SLC36A1: variants seen among roughly 807,000 people sequenced by gnomAD.
The protein encoded by SLC36A1 is solute carrier family 36 member 1.
Under a neutral mutation model 47.5 loss-of-function variants are expected in SLC36A1, and 30 were observed. The observed-to-expected ratio is 0.63, with a 90% CI of 0.47 to 0.86. SLC36A1 has a LOEUF of 0.86. Ranked by LOEUF, SLC36A1 falls within the 40% of genes least tolerant of loss-of-function variation. The probability of loss-of-function intolerance (pLI) is 0.00; values close to 1 mark genes in which losing one functional copy is unlikely to be tolerated. For synonymous variants in SLC36A1, 255 were observed against 249.7 expected, an observed-to-expected ratio of 1.02 and a Z score of -0.20; for missense variants, 517 against 606.0, an observed-to-expected ratio of 0.85 and a Z score of 1.54.
chr5:151,505,848 G>T, the SLC36A1 span: 1 of 1,611,000 alleles, frequency 6.2e-7, no homozygotes, highest in Non-Finnish European at 8.5e-7. Flanking sequence ...GGGACTAGGG[G>T]GCCGAGAGGG....
the SLC36A1 span, among the ~76,000 whole-genome samples, chr5:151,386,403 A>G: frequency 6.6e-6 from 1 of 152,208 alleles, no homozygotes; most frequent in South Asian, 2.1e-4. Flanking sequence ...TTTGAAGATA[A>G]TAACTCTGAC....
At chr5:151,399,438 C>A in the SLC36A1 span, among the ~76,000 whole-genome samples, 1 of 151,956 alleles carries the variant, frequency 6.6e-6, no homozygotes, top group Non-Finnish European at 1.5e-5. Context: ...TGTATTTTTT[C>A]TGAGCTATGT....
At chr5:151,436,306 G>T (rs759421389), upstream of SLC36A1, among the ~76,000 whole-genome samples, 7 of 152,056 alleles carry the variant, frequency 4.6e-5, no homozygotes, top group Non-Finnish European at 1.0e-4. Flanking sequence ...AGTTTTGCCT[G>T]CTCTTGAACT....
chr5:151,349,602 T>C, the SLC36A1 span, among the ~76,000 whole-genome samples: 1 of 151,974 alleles, frequency 6.6e-6, no homozygotes, highest in Admixed American at 6.6e-5. Context: ...ATGGGGTGTT[T>C]GGTAACGCTG....
chr5:151,546,186 G>A, the SLC36A1 span: 1 of 1,614,154 alleles, frequency 6.2e-7, no homozygotes, highest in Non-Finnish European at 8.5e-7. Flanking sequence ...AGACATGAAT[G>A]ATCACTGTAG....
chr5:151,495,380 C>T (rs547352030), downstream of SLC36A1, among the ~76,000 whole-genome samples: 1 of 152,292 alleles, frequency 6.6e-6, no homozygotes, highest in African/African-American at 2.4e-5. Context: ...CTCAAAGGCA[C>T]AGGAGGGAGG....
intron 1 of SLC36A1, among the ~76,000 whole-genome samples, chr5:151,453,185 C>A (rs926952424): frequency 2.0e-5 from 3 of 151,226 alleles, no homozygotes; most frequent in African/African-American, 7.3e-5. Flanking sequence ...GCCTGGGCAA[C>A]AAGAATGAAA....
the SLC36A1 span, among the ~76,000 whole-genome samples, chr5:151,347,032 A>G: frequency 0.041 from 6,294 of 152,256 alleles, 443 homozygotes; most frequent in African/African-American, 0.14. Context: ...TTATCCTGCC[A>G]ATGACTCAGT....
chr5:151,378,471 A>C, the SLC36A1 span: 1 of 211,418 alleles, frequency 4.7e-6, no homozygotes, highest in East Asian at 1.1e-4. Context: ...GCAGCGATTA[A>C]AGCTGTTCAA....
chr5:151,505,746 A>G, the SLC36A1 span: 1 of 1,613,294 alleles, frequency 6.2e-7, no homozygotes, highest in Non-Finnish European at 8.5e-7. Context: ...CCCGTCTGCC[A>G]GGCAGGGCCC....
At chr5:151,544,197 C>A in the SLC36A1 span, 1 of 1,614,218 alleles carries the variant, frequency 6.2e-7, no homozygotes, top group Admixed American at 1.7e-5. Context: ...CCTCCACAAT[C>A]TGATAAGAGA....
chr5:151,387,693 T>C, the SLC36A1 span, among the ~76,000 whole-genome samples: 4 of 152,192 alleles, frequency 2.6e-5, no homozygotes, highest in East Asian at 5.8e-4. Flanking sequence ...CCTTGAACTC[T>C]TGGGCTCAAG....
chr5:151,367,830 G>A, the SLC36A1 span, among the ~76,000 whole-genome samples: 6 of 152,276 alleles, frequency 3.9e-5, no homozygotes, highest in Admixed American at 6.5e-5. Flanking sequence ...CTGACTTCCC[G>A]TAACAGTAGA....
chr5:151,479,333 G>T lies in SLC36A1; in HGVS notation c.1003G>T (p.Val335Phe). 6 of 1,614,162 alleles carry T rather than the reference G, an allele frequency of 3.7e-6. No homozygotes were observed. Among genetic ancestry groups the T allele is most frequent in the Non-Finnish European group, 5.1e-6 (6 of 1,179,986 alleles). ...NLPNCWLYQS[V>F]KLLYSIGIFF... is the part of the protein sequence containing the mutation. ...CTGTTTCGGCAGGTTGTACCAGTCA[G>T]TTAAGCTGCTGTACTCCATCGGGAT... The change falls in exon 10 of 11, where the codon GTT becomes TTT. Residue 335 changes from valine to phenylalanine, a missense_variant. Physicochemically the swap from Val to Phe is conservative, Grantham distance 50. Coordinates refer to ENST00000243389, the MANE Select transcript of SLC36A1 (RefSeq NM_078483.4).
the SLC36A1 span, among the ~76,000 whole-genome samples, chr5:151,365,177 A>G: frequency 6.6e-6 from 1 of 152,324 alleles, no homozygotes; most frequent in Admixed American, 6.5e-5. Flanking sequence ...AAAGATGATA[A>G]GAAGGCAATG....
chr5:151,350,968 T>C, the SLC36A1 span, among the ~76,000 whole-genome samples: 2 of 152,106 alleles, frequency 1.3e-5, no homozygotes, highest in Non-Finnish European at 2.9e-5. Context: ...TAAAGGACAA[T>C]GTTTTTAATG....
chr5:151,421,323 C>T, the SLC36A1 span, among the ~76,000 whole-genome samples: 1 of 151,372 alleles, frequency 6.6e-6, no homozygotes, highest in East Asian at 2.0e-4. Context: ...CTCACTGCAA[C>T]CTCCACCTCC....
At chr5:151,371,301 A>G in the SLC36A1 span, among the ~76,000 whole-genome samples, 1 of 152,232 alleles carries the variant, frequency 6.6e-6, no homozygotes, top group Non-Finnish European at 1.5e-5. Context: ...TTAATTTTCT[A>G]TAAACTATAT....
the SLC36A1 span, among the ~76,000 whole-genome samples, chr5:151,364,947 T>A: frequency 6.6e-6 from 1 of 152,166 alleles, no homozygotes; most frequent in Non-Finnish European, 1.5e-5. Flanking sequence ...CTTCCTGATA[T>A]CACTGATTAA....
Sources: gnomAD v4.1 joint callset for allele counts (sites outside exome capture counted in the v4.1 genomes callset) on GRCh38, gnomAD v4.1.1 for gene constraint, MANE v1.5 for transcripts, NCBI Gene and HGNC (gene_info 2026-07-23, HGNC 2026-07-21) for gene names.